SV2C: variants seen among roughly 807,000 people sequenced by gnomAD.
SV2C encodes solute carrier family 22 member B3.
Under a neutral mutation model 79.7 loss-of-function variants are expected in SV2C, and 49 were observed. The ratio of observed to expected loss-of-function variants is 0.61; its 90% CI spans 0.49 to 0.78. The LOEUF is 0.78. Ranked by LOEUF, SV2C falls within the 30% of genes least tolerant of loss-of-function variation. The probability of loss-of-function intolerance (pLI) is 0.00; values close to 1 mark genes in which losing one functional copy is unlikely to be tolerated. For missense variants in SV2C, 833 were observed against 912.9 expected, an observed-to-expected ratio of 0.91 and a Z score of 1.13; for synonymous variants, 334 against 333.2, an observed-to-expected ratio of 1.00 and a Z score of -0.03.
At chr5:76,131,547 T>C in intron 1 of SV2C, 103 bp from the exon 2 acceptor site, 1 of 364,742 alleles carries the variant, frequency 2.7e-6, no homozygotes, top group Non-Finnish European at 4.8e-6. Flanking sequence ...ACTAATTCTG[T>C]GTTGTAGTTT....
At chr5:76,037,651 C>G in the SV2C span, among the ~76,000 whole-genome samples, 431 of 152,276 alleles carry the variant, frequency 2.8e-3, 4 homozygotes, top group African/African-American at 8.1e-3. Context: ...CTCTTCAAAG[C>G]TGTCAGACAG....
chr5:75,941,819 A>G, the SV2C span, among the ~76,000 whole-genome samples: 1 of 152,202 alleles, frequency 6.6e-6, no homozygotes, highest in Non-Finnish European at 1.5e-5. Flanking sequence ...GGAGCTGGAC[A>G]TAAATAAATT....
At chr5:75,964,343 G>C in the SV2C span, among the ~76,000 whole-genome samples, 1 of 152,096 alleles carries the variant, frequency 6.6e-6, no homozygotes. Context: ...TCTGGGTCAC[G>C]ATATTCATTT....
chr5:75,895,780 T>C, the SV2C span, among the ~76,000 whole-genome samples: 1 of 152,044 alleles, frequency 6.6e-6, no homozygotes, highest in Non-Finnish European at 1.5e-5. Context: ...CTTTTCTGGA[T>C]TATTTGAGCT....
intron 4 of SV2C, among the ~76,000 whole-genome samples, chr5:76,226,603 G>A (rs898217073): frequency 6.6e-6 from 1 of 152,208 alleles, no homozygotes; most frequent in Non-Finnish European, 1.5e-5. Context: ...TGTTTAGCTT[G>A]ATGAGAAACT....
At chr5:76,030,289 T>TATTTATTTATTTATTTATTTA in the SV2C span, among the ~76,000 whole-genome samples, 133 of 117,902 alleles carry the variant, frequency 1.1e-3, 1 homozygote, top group African/African-American at 5.0e-3. Context: ...TTTTTTTTTT[T>TATTTATTTATTTATTTATTTA]TTTATTTATT....
intron 1 of SV2C, among the ~76,000 whole-genome samples, chr5:76,085,675 C>G (rs1052797228): frequency 2.6e-5 from 4 of 152,126 alleles, no homozygotes; most frequent in Non-Finnish European, 4.4e-5. Flanking sequence ...TTGGGTTCAT[C>G]TTCCACCTCT....
At chr5:76,095,519 G>T (rs1747527012) in intron 1 of SV2C, among the ~76,000 whole-genome samples, 1 of 151,968 alleles carries the variant, frequency 6.6e-6, no homozygotes, top group Admixed American at 6.6e-5. Flanking sequence ...TGTGATTCTT[G>T]TATCTAATTG....
chr5:76,318,972 T>A (rs572639718), intron 12 of SV2C, among the ~76,000 whole-genome samples: 1 of 152,204 alleles, frequency 6.6e-6, no homozygotes, highest in Non-Finnish European at 1.5e-5. Flanking sequence ...GTACTTTGGG[T>A]GTCTGCAGAA....
the SV2C span, among the ~76,000 whole-genome samples, chr5:75,962,030 A>C: frequency 6.6e-6 from 1 of 152,118 alleles, no homozygotes; most frequent in African/African-American, 2.4e-5. Flanking sequence ...CTCTGTCATT[A>C]GCAGTGACAC....
chr5:76,079,450 G>C (rs1746945148), upstream of SV2C: 1 of 295,980 alleles, frequency 3.4e-6, no homozygotes, highest in Non-Finnish European at 6.8e-6. Flanking sequence ...CAATACTGAA[G>C]AGGCACACCA....
chr5:76,018,113 A>G, the SV2C span, among the ~76,000 whole-genome samples: 1 of 152,172 alleles, frequency 6.6e-6, no homozygotes, highest in Non-Finnish European at 1.5e-5. Context: ...GCCTGATTCT[A>G]TAGTGTGGAA....
At chr5:75,981,966 A>G in the SV2C span, among the ~76,000 whole-genome samples, 17,519 of 151,620 alleles carry the variant, frequency 0.12, 2,913 homozygotes, top group African/African-American at 0.37. Context: ...TGCAAACTAT[A>G]CATCTGACAA....
chr5:76,289,619 C>A (rs1177681638), intron 6 of SV2C, among the ~76,000 whole-genome samples: 1 of 152,216 alleles, frequency 6.6e-6, no homozygotes, highest in Non-Finnish European at 1.5e-5. Flanking sequence ...AAATATCACT[C>A]CACTGCTGCT....
chr5:76,113,439 T>A (rs374984664), intron 1 of SV2C, among the ~76,000 whole-genome samples: 1 of 152,222 alleles, frequency 6.6e-6, no homozygotes, highest in Admixed American at 6.5e-5. Context: ...TGAATGAATG[T>A]CCAGGATTGT....
chr5:76,295,124 C>T (rs1189554557), intron 8 of SV2C, among the ~76,000 whole-genome samples: 2 of 152,160 alleles, frequency 1.3e-5, no homozygotes, highest in Non-Finnish European at 2.9e-5. Flanking sequence ...AATACCACAA[C>T]AGGTAATTTG....
At chr5:75,982,269 G>GA in the SV2C span, among the ~76,000 whole-genome samples, 1 of 149,458 alleles carries the variant, frequency 6.7e-6, no homozygotes, top group Non-Finnish European at 1.5e-5. Flanking sequence ...AGTTTTGCAA[G>GA]AAAAAAACCC....
At chr5:75,861,786 T>G in the SV2C span, among the ~76,000 whole-genome samples, 2 of 152,100 alleles carry the variant, frequency 1.3e-5, no homozygotes, top group Non-Finnish European at 2.9e-5. Context: ...GGACATAAAG[T>G]TGGGAACAAT....
At chr5:76,251,436 TA>T (rs764532687) in intron 4 of SV2C, among the ~76,000 whole-genome samples, 4 of 152,130 alleles carry the variant, frequency 2.6e-5, no homozygotes, top group Non-Finnish European at 4.4e-5. Context: ...CCTGTCATCC[TA>T]GCTACTCAGG....
Sources: gnomAD v4.1 joint callset for allele counts (sites outside exome capture counted in the v4.1 genomes callset) on GRCh38, gnomAD v4.1.1 for gene constraint, MANE v1.5 for transcripts, NCBI Gene and HGNC (gene_info 2026-07-23, HGNC 2026-07-21) for gene names.